Variants in ACOT7 observed in about 807,000 individuals in gnomAD.
ACOT7 encodes the protein acyl-CoA thioesterase 7.
In ACOT7, 12 loss-of-function variants were observed where a neutral mutation model predicts 40.2. The ratio of observed to expected loss-of-function variants is 0.30; its 90% CI spans 0.19 to 0.48. The LOEUF is 0.48. Ranked by LOEUF, ACOT7 falls within the 20% of genes least tolerant of loss-of-function variation. The pLI is 0.99. For synonymous variants in ACOT7, 228 were observed against 219.5 expected, an observed-to-expected ratio of 1.04 and a Z score of -0.34; for missense variants, 395 against 530.8, an observed-to-expected ratio of 0.74 and a Z score of 2.51.
At chr1:6,374,475 T>C (rs961048723) in intron 1 of ACOT7, among the ~76,000 whole-genome samples, 1 of 152,216 alleles carries the variant, frequency 6.6e-6, no homozygotes, top group African/African-American at 2.4e-5. Context: ...GCTTGGGGCC[T>C]GTGGGGAGAA....
intron 8 of ACOT7, among the ~76,000 whole-genome samples, chr1:6,269,146 G>A (rs182512471): frequency 6.6e-6 from 1 of 152,354 alleles, no homozygotes; most frequent in Admixed American, 6.5e-5. Flanking sequence ...GCACAGACAG[G>A]CTGAGTAACT....
At position 6,361,835 on chromosome 1, in the gene ACOT7, G is replaced by A. The variant is rs114979304; in HGVS notation, c.144-11969C>T. Among the ~76,000 whole-genome samples the A allele has an allele frequency of 3.9e-5, 6 of 152,300 alleles. 1 individual carries two copies. Among genetic ancestry groups the A allele is most frequent in the Middle Eastern group, 6.8e-3 (2 of 294 alleles). Reference sequence around the variant, plus strand: ...ATAAATAAATAAACTACTAACAACTGGATGCCAGAAGCTGTGGCCCCTCCC... The same window carrying A: ...ATAAATAAATAAACTACTAACAACTAGATGCCAGAAGCTGTGGCCCCTCCC... On this transcript the variant is annotated intron_variant, in intron 1 of 8. Coordinates refer to ENST00000361521, the MANE Select transcript of ACOT7 (RefSeq NM_007274.4).
chr1:6,297,231 T>C (rs1571281358), intron 6 of ACOT7, among the ~76,000 whole-genome samples: 1 of 152,076 alleles, frequency 6.6e-6, no homozygotes, highest in African/African-American at 2.4e-5. Context: ...AGAGACAGGG[T>C]TTTGCCATGT....
chr1:6,337,598 C>T (rs1183222210), intron 3 of ACOT7, among the ~76,000 whole-genome samples: 3 of 152,186 alleles, frequency 2.0e-5, no homozygotes, highest in Non-Finnish European at 4.4e-5. Flanking sequence ...GCCTGCATCA[C>T]TCTCTGCTGT....
At chr1:6,367,795 GC>G (rs1056263034) in intron 1 of ACOT7, among the ~76,000 whole-genome samples, 7 of 152,324 alleles carry the variant, frequency 4.6e-5, no homozygotes, top group South Asian at 4.1e-4. Flanking sequence ...GCATGTTTCA[GC>G]CCTGTTTGTG....
intron 1 of ACOT7, among the ~76,000 whole-genome samples, chr1:6,382,910 C>T (rs1642365903): frequency 6.6e-6 from 1 of 151,310 alleles, no homozygotes; most frequent in South Asian, 2.1e-4. Context: ...CAGAGTTTCG[C>T]TCTTGTCACC....
intron 6 of ACOT7, among the ~76,000 whole-genome samples, chr1:6,307,812 AG>A (rs1380425630): frequency 2.6e-5 from 4 of 151,808 alleles, no homozygotes; most frequent in African/African-American, 9.7e-5. Context: ...CCACAGGTGG[AG>A]GGAACTGTGA....
At chr1:6,290,897 TG>T (rs1639643187) in intron 7 of ACOT7, among the ~76,000 whole-genome samples, 1 of 152,070 alleles carries the variant, frequency 6.6e-6, no homozygotes, top group African/African-American at 2.4e-5. Flanking sequence ...TTCTCAAAAG[TG>T]GGGGGCCCCT....
chr1:6,389,216 C>T (rs1557677572), intron 1 of ACOT7, among the ~76,000 whole-genome samples: 1 of 152,178 alleles, frequency 6.6e-6, no homozygotes, highest in Non-Finnish European at 1.5e-5. Context: ...TGGTACAACA[C>T]AATTCCTGAT....
chr1:6,386,504 T>C (rs1470100744), intron 1 of ACOT7, among the ~76,000 whole-genome samples: 1 of 152,132 alleles, frequency 6.6e-6, no homozygotes, highest in Non-Finnish European at 1.5e-5. Flanking sequence ...ATCCCGGATT[T>C]CCCAGTACGA....
At chr1:6,381,112 CA>C (rs1642325059) in intron 1 of ACOT7, among the ~76,000 whole-genome samples, 1 of 151,700 alleles carries the variant, frequency 6.6e-6, no homozygotes, top group African/African-American at 2.4e-5. Flanking sequence ...TATTATGTGT[CA>C]AAAACAATAG....
At chr1:6,351,850 C>T (rs926150705) in intron 1 of ACOT7, among the ~76,000 whole-genome samples, 5 of 152,320 alleles carry the variant, frequency 3.3e-5, no homozygotes, top group Middle Eastern at 3.4e-3. Flanking sequence ...TGCTTTCATG[C>T]GGTGGGCACT....
intron 3 of ACOT7, among the ~76,000 whole-genome samples, chr1:6,336,353 A>AAT (rs1202916005): frequency 1.3e-5 from 2 of 151,894 alleles, no homozygotes; most frequent in African/African-American, 4.8e-5. Flanking sequence ...AAAAAAAAAA[A>AAT]AAAAATCTCT....
chr1:6,371,160 G>A lies in ACOT7; in HGVS notation c.144-21294C>T, dbSNP rs140383005. Among the ~76,000 whole-genome samples, 741 of 152,258 alleles carry A rather than the reference G, an allele frequency of 4.9e-3. 4 individuals carry two copies. The highest frequency in any genetic ancestry group is 0.014 in the Middle Eastern group (4 of 292). ...TTTTTTCTGAGCAGTAGGTCTCAAC[G>A]GCAGGCTTAAAAATATTCAGAAAAC... is the stretch of plus-strand genomic sequence containing the variant. On this transcript the variant is annotated intron_variant, in intron 1 of 8. Transcript: ENST00000361521.
At chr1:6,308,780 T>C (rs28734050) in intron 6 of ACOT7, among the ~76,000 whole-genome samples, 1 of 125,704 alleles carries the variant, frequency 8.0e-6, no homozygotes, top group African/African-American at 3.2e-5. Context: ...AAGGGAACAG[T>C]GACTGGATGG....
chr1:6,377,236 T>C (rs116437419), intron 1 of ACOT7, among the ~76,000 whole-genome samples: 1,719 of 151,988 alleles, frequency 0.011, 33 homozygotes, highest in African/African-American at 0.039. Context: ...TTAAAGACAT[T>C]AAAAAAATAC....
intron 8 of ACOT7, among the ~76,000 whole-genome samples, chr1:6,273,961 T>A (rs953023011): frequency 5.9e-5 from 9 of 152,236 alleles, no homozygotes; most frequent in African/African-American, 2.2e-4. Flanking sequence ...CCTCTTTCTC[T>A]GTCCTACATC....
At chr1:6,307,239 G>A (rs867790354) in intron 6 of ACOT7, among the ~76,000 whole-genome samples, 1 of 152,256 alleles carries the variant, frequency 6.6e-6, no homozygotes, top group South Asian at 2.1e-4. Flanking sequence ...CGGTCATTAC[G>A]TGTTTCTCAC....
Position 6,299,059 on chromosome 1 carries a change from A to C in ACOT7, c.713-4079T>G, listed in dbSNP as rs112611408. Reference sequence around the variant, plus strand: ...CTTGAGTCCCTCTGTCCCCGTCTAGAGTGTGAGAGTCACTGCCATAGCCTG... The same window carrying C: ...CTTGAGTCCCTCTGTCCCCGTCTAGCGTGTGAGAGTCACTGCCATAGCCTG... On this transcript the variant is annotated intron_variant, in intron 6 of 8. Transcript: ENST00000361521. This position sits in a 1 kb window ranked among gnomAD's most constrained non-coding sequence, Gnocchi z 4.1. Among the ~76,000 whole-genome samples the C allele has an allele frequency of 7.9e-5, 12 of 152,292 alleles. No homozygotes were observed. Among genetic ancestry groups the C allele is most frequent in the African/African-American group, 2.9e-4 (12 of 41,566 alleles).
Sources: gnomAD v4.1 joint callset for allele counts (sites outside exome capture counted in the v4.1 genomes callset) on GRCh38, gnomAD v4.1.1 for gene constraint, Gnocchi (gnomAD v3.1) non-coding constraint, MANE v1.5 for transcripts, NCBI Gene and HGNC (gene_info 2026-07-23, HGNC 2026-07-21) for gene names.